The following GTF2IRD2B variants were observed in gnomAD, a reference collection of about 807,000 sequenced individuals.
The protein encoded by GTF2IRD2B is general transcription factor II-I repeat domain-containing protein 2B.
In GTF2IRD2B, 10 loss-of-function variants were observed where a neutral mutation model predicts 55.6. The observed-to-expected ratio is 0.18, with a 90% confidence interval of 0.11 to 0.31. The LOEUF (loss-of-function observed/expected upper bound fraction) is 0.31, where lower values mean the gene tolerates loss of function less well. GTF2IRD2B is among the 10% of genes least tolerant of loss of function. GTF2IRD2B has a pLI of 1.00. For missense variants in GTF2IRD2B, 206 were observed against 802.7 expected (o/e 0.26, Z 8.98); for synonymous variants, 107 against 320.5 (o/e 0.33, Z 7.12).
chr7:75,119,425 GGGCA>G (rs1554451699), intron 3 of GTF2IRD2B, among the ~76,000 whole-genome samples: 2 of 114,524 alleles, frequency 1.7e-5, no homozygotes, highest in African/African-American at 6.5e-5. Flanking sequence ...AGGCCGAGGT[GGGCA>G]GATCACTTGA....
chr7:75,121,615 T>C (rs587763254), intron 4 of GTF2IRD2B, among the ~76,000 whole-genome samples: 225 of 145,310 alleles, frequency 1.5e-3, no homozygotes, highest in Non-Finnish European at 2.6e-3. Flanking sequence ...CCCACCACCT[T>C]GCCCAGCTAA....
Position 75,148,293 on chromosome 7 carries a change from G to C in GTF2IRD2B, c.1846G>C (p.Val616Leu). 6.2e-7 allele frequency: 1 copy of C among 1,613,696 alleles called. No individual in the cohort carries two copies. The highest frequency in any genetic ancestry group is 8.5e-7 in the Non-Finnish European group (1 of 1,179,816). Residue 616 changes from valine (V) to leucine (L), a missense_variant, in exon 16 of 16, where the codon GTG (valine) becomes CTG (leucine). Coordinates refer to ENST00000472837, the MANE Select transcript of GTF2IRD2B (RefSeq NM_001003795.3). The stretch of plus-strand genomic sequence containing the variant: ...TATCAACTGGTCGAGATTAGTAAGC[G>C]TGGCCTCCACTGGCACCCCAGCGAT... ...FCINWSRLVS[V>L]ASTGTPAMVD...
chr7:75,115,151 G>C (rs1808100903), intron 3 of GTF2IRD2B, among the ~76,000 whole-genome samples: 1 of 128,560 alleles, frequency 7.8e-6, no homozygotes, highest in Non-Finnish European at 1.6e-5. Context: ...TACCCAGTCT[G>C]GTCATAAATT....
intron 3 of GTF2IRD2B, among the ~76,000 whole-genome samples, chr7:75,114,668 A>G (rs1808081883): frequency 6.6e-6 from 1 of 151,854 alleles, no homozygotes; most frequent in African/African-American, 2.4e-5. Context: ...GCTCCCACTT[A>G]CAAGTGAGAA....
chr7:75,149,420 G>A lies in GTF2IRD2B; in HGVS notation c.*123G>A, dbSNP rs1160702528. 18 of 729,238 alleles carry A rather than the reference G, an allele frequency of 2.5e-5. No individual in the cohort carries two copies. Among genetic ancestry groups the A allele is most frequent in the East Asian group, 5.0e-5 (2 of 40,118 alleles). 45.2% of individuals were successfully genotyped at this position (729,238 alleles called of 1,614,324 possible). On this transcript the variant is annotated 3_prime_UTR_variant, in exon 16 of 16. Coordinates refer to ENST00000472837, the MANE Select transcript of GTF2IRD2B (RefSeq NM_001003795.3). ...TTTTGAGATGGAGTCTTGCTCTGTC[G>A]CCCAGGTTGGAGTGCAGTGGCGTGA...
chr7:75,127,553 T>C (rs1808566916), intron 8 of GTF2IRD2B, among the ~76,000 whole-genome samples: 2 of 149,518 alleles, frequency 1.3e-5, no homozygotes, highest in South Asian at 4.2e-4. Flanking sequence ...TAAGATGTTA[T>C]TAAATACACA....
At chr7:75,107,355 C>T (rs1174985190) in intron 1 of GTF2IRD2B, among the ~76,000 whole-genome samples, 2 of 151,816 alleles carry the variant, frequency 1.3e-5, no homozygotes, top group Non-Finnish European at 2.9e-5. Flanking sequence ...GTGGGCGGAT[C>T]ACGAGGTCAG....
At chr7:75,106,880 G>A (rs1807823175) in intron 1 of GTF2IRD2B, among the ~76,000 whole-genome samples, 1 of 141,360 alleles carries the variant, frequency 7.1e-6, no homozygotes, top group South Asian at 2.3e-4. Context: ...AGCCATGATT[G>A]TGCCACTGCA....
rs1554451528 is a variant in GTF2IRD2B at position 75,117,942 on chromosome 7, G to A, written c.239-2949G>A. ...TACTAAAAATACAAAAATTAGCTGG[G>A]TGTGGTGGCATGCACCTGTAATCCC... is the stretch of plus-strand genomic sequence containing the variant. On this transcript the variant is annotated intron_variant, in intron 3 of 15. Transcript: ENST00000472837. 3.3e-5 allele frequency among the ~76,000 whole-genome samples: 5 copies of A among 152,266 alleles called. No homozygotes were observed. In the South Asian group the frequency reaches 1.0e-3, roughly 32 times the overall value.
intron 8 of GTF2IRD2B, among the ~76,000 whole-genome samples, chr7:75,132,053 A>G (rs1212702951): frequency 2.1e-5 from 3 of 146,250 alleles, no homozygotes; most frequent in Non-Finnish European, 3.0e-5. Context: ...AATCCATTCC[A>G]TTATAGTGAG....
chr7:75,127,023 A>C (rs1241365723), intron 8 of GTF2IRD2B, among the ~76,000 whole-genome samples: 9 of 131,848 alleles, frequency 6.8e-5, no homozygotes, highest in African/African-American at 1.3e-4. Context: ...AAAAACAAAA[A>C]CAAAAAAAAC....
intron 15 of GTF2IRD2B, among the ~76,000 whole-genome samples, chr7:75,145,731 C>CAA (rs1239787118): frequency 1.2e-5 from 1 of 83,738 alleles, no homozygotes; most frequent in Non-Finnish European, 2.5e-5. Flanking sequence ...GACTCTGTCT[C>CAA]AAAAAAAAAA....
At chr7:75,130,489 T>C (rs1808638927) in intron 8 of GTF2IRD2B, among the ~76,000 whole-genome samples, 2 of 148,730 alleles carry the variant, frequency 1.3e-5, no homozygotes, top group South Asian at 4.2e-4. Context: ...AATTTTTTTT[T>C]CTTTTCTTGA....
chr7:75,113,781 G>GGTGTGTGTGTGTGTGTGT (rs71519356), intron 3 of GTF2IRD2B, among the ~76,000 whole-genome samples: 33 of 80,066 alleles, frequency 4.1e-4, no homozygotes, highest in South Asian at 8.9e-4. Context: ...AGGGTATAAG[G>GGTGTGTGTGTGTGTGTGT]GTGTGTGTGT....
chr7:75,104,912 CG>C lies in GTF2IRD2B; in HGVS notation c.-5-4046del, dbSNP rs1295149327. ...GAGTCTTTGCTATGAAAAACAATAC[CG>C]GCTGGGCGCGGTGGCTCACACCTGT... On this transcript the variant is annotated intron_variant, in intron 1 of 15. Coordinates refer to ENST00000472837, the MANE Select transcript of GTF2IRD2B (RefSeq NM_001003795.3). Among the ~76,000 whole-genome samples the C allele has an allele frequency of 1.2e-4, 18 of 152,388 alleles. No individual in the cohort carries two copies. The East Asian group carries it at 3.1e-3, about 26-fold the overall frequency.
At chr7:75,118,099 G>A (rs1479270365) in intron 3 of GTF2IRD2B, among the ~76,000 whole-genome samples, 1 of 151,510 alleles carries the variant, frequency 6.6e-6, no homozygotes, top group Non-Finnish European at 1.5e-5. Flanking sequence ...AAAAGGGAAA[G>A]GAAAAAGGAA....
intron 1 of GTF2IRD2B, among the ~76,000 whole-genome samples, chr7:75,105,130 A>C (rs1374206569): frequency 6.6e-6 from 1 of 152,296 alleles, no homozygotes; most frequent in Non-Finnish European, 1.5e-5. Flanking sequence ...CAGAAGGTCG[A>C]GGCTACACTG....
At chr7:75,116,907 A>T (rs1808178158) in intron 3 of GTF2IRD2B, among the ~76,000 whole-genome samples, 1 of 151,436 alleles carries the variant, frequency 6.6e-6, no homozygotes, top group African/African-American at 2.4e-5. Context: ...CGCCTCCCAA[A>T]GTGCTGGGAT....
chr7:75,120,772 G>A, intron 3 of GTF2IRD2B, 119 bp from the exon 4 acceptor site: 1 of 1,522,440 alleles, frequency 6.6e-7, no homozygotes, highest in Non-Finnish European at 8.9e-7. Flanking sequence ...TTCTTTAAAA[G>A]ATCTTGTTTT....
Sources: allele counts gnomAD v4.1 joint callset (sites outside exome capture counted in the v4.1 genomes callset), GRCh38; gene constraint gnomAD v4.1.1; transcripts MANE v1.5; gene names NCBI Gene and HGNC (gene_info 2026-07-23, HGNC 2026-07-21).